Variants in KANTR observed in about 807,000 individuals in gnomAD.
KANTR encodes the protein KANTR integral membrane protein.
chrX:53,143,415 C>T (rs1933531238), downstream of KANTR: 1 of 641,157 alleles, frequency 1.6e-6, no homozygotes, highest in East Asian at 3.4e-5. Flanking sequence ...GCATGGCCCT[C>T]GTAGATGGGT....
chrX:53,113,095 G>A, intron 2 of KANTR: 1 of 275,495 alleles, frequency 3.6e-6, no homozygotes, highest in Non-Finnish European at 7.2e-6. Flanking sequence ...TTGACCTTTT[G>A]GCGATCTTCT....
chrX:53,143,802 T>C (rs1163711233), downstream of KANTR: 1 of 504,873 alleles, frequency 2.0e-6, no homozygotes, highest in Admixed American at 2.4e-5. Flanking sequence ...GGTGCCGGGG[T>C]CACCTGATGA....
downstream of KANTR, chrX:53,143,474 C>A: frequency 5.1e-6 from 3 of 588,909 alleles, no homozygotes; most frequent in Non-Finnish European, 8.9e-6. Flanking sequence ...GCCAGTGATG[C>A]GCCCAGAGGC....
At chrX:53,103,109 A>G (rs1222274865) in intron 2 of KANTR, among the ~76,000 whole-genome samples, 1 of 105,917 alleles carries the variant, frequency 9.4e-6, no homozygotes, top group African/African-American at 3.5e-5. Context: ...CTCAGCCTCC[A>G]GAGTAGCTGA....
chrX:53,129,235 TTGTG>T (rs57493383), downstream of KANTR, among the ~76,000 whole-genome samples: 59 of 83,353 alleles, frequency 7.1e-4, no homozygotes, highest in Middle Eastern at 0.013. Flanking sequence ...GCCTGGCTAT[TTGTG>T]TGTGTGTGTG....
chrX:53,117,933 T>C (rs782047243), intron 2 of KANTR, among the ~76,000 whole-genome samples: 1 of 111,598 alleles, frequency 9.0e-6, no homozygotes, highest in South Asian at 3.7e-4. Context: ...TGTGGTCTTC[T>C]GAGACTTAAC....
At chrX:53,105,212 T>A (rs781827619) in intron 2 of KANTR, among the ~76,000 whole-genome samples, 1 of 111,830 alleles carries the variant, frequency 8.9e-6, no homozygotes, top group African/African-American at 3.2e-5. Context: ...TCAAACTGTT[T>A]GCAAAAGTGG....
intron 2 of KANTR, among the ~76,000 whole-genome samples, chrX:53,104,459 T>A (rs1016349224): frequency 2.7e-5 from 3 of 109,953 alleles, no homozygotes; most frequent in Non-Finnish European, 5.7e-5. Context: ...ACTCCTGACC[T>A]CAAGTGATCC....
In KANTR at chrX:53,111,012, T is replaced by TTTTA. The variant is rs1328359563; in HGVS notation, c.-805+11420_-805+11423dup. Among the ~76,000 whole-genome samples the TTTTA allele has an allele frequency of 4.6e-5, 5 of 108,991 alleles. No homozygotes were observed. In the Admixed American group the frequency reaches 4.9e-4, roughly 11 times the overall value. The allele number at this position is 108,991 out of a possible 115,157, so 94.6% of individuals were successfully genotyped here. A position where few individuals can be genotyped will look rare whatever the true frequency, so the allele number is the denominator to read the frequency against. On this transcript the variant is annotated intron_variant, in intron 2 of 2. Transcript: ENST00000604062. ...TGATATTACTTCTTTATTTTATAAATTTTATTTATTTATTTATTTTTGAGA... is the reference window on the plus strand; with the variant it reads ...TGATATTACTTCTTTATTTTATAAATTTTATTTATTTATTTATTTATTTTTGAGA...
exon 3 of KANTR, chrX:53,142,544 G>A (rs782385060): frequency 1.2e-5 from 3 of 257,632 alleles, no homozygotes; most frequent in Non-Finnish European, 2.2e-5. Context: ...TCAAACTCCT[G>A]ACCTTGTGAT....
intron 2 of KANTR, among the ~76,000 whole-genome samples, chrX:53,110,859 A>C (rs1475281070): frequency 9.3e-6 from 1 of 107,260 alleles, no homozygotes; most frequent in African/African-American, 3.4e-5. Context: ...GGAGGCGGAG[A>C]TTGCAATGAG....
chrX:53,144,399 C>CA (rs1330477871), downstream of KANTR, among the ~76,000 whole-genome samples: 1 of 111,439 alleles, frequency 9.0e-6, no homozygotes, highest in Non-Finnish European at 1.9e-5. Flanking sequence ...GTCTCAAAAA[C>CA]AAAAAATCTG....
chrX:53,100,388 G>A (rs1164772491), intron 2 of KANTR, among the ~76,000 whole-genome samples: 1 of 110,927 alleles, frequency 9.0e-6, no homozygotes, highest in Admixed American at 9.6e-5. Context: ...GCTGAGGCAG[G>A]AGAATCACTT....
downstream of KANTR, among the ~76,000 whole-genome samples, chrX:53,145,777 G>T (rs1221667454): frequency 1.8e-5 from 2 of 111,951 alleles, no homozygotes; most frequent in Non-Finnish European, 3.8e-5. Context: ...ACCTCACACG[G>T]CCGGGTACTT....
At position 53,094,302 on chromosome X, in the gene KANTR, C is replaced by T. The variant is rs782333307; in HGVS notation, c.-942+18C>T. ...GGTGTACGGTGAGAAGCCATAAAGA[C>T]GGGGCGGTGGGGGGAGTGGCAGCGG... On this transcript the variant is annotated intron_variant, in intron 1 of 2. Transcript: ENST00000604062. 3 of 104,389 alleles carry T rather than the reference C, an allele frequency of 2.9e-5. No homozygotes were observed. The highest frequency in any genetic ancestry group is 5.9e-5 in the Non-Finnish European group (3 of 51,179). 8.6% of individuals were successfully genotyped at this position (104,389 alleles called of 1,213,427 possible).
downstream of KANTR, among the ~76,000 whole-genome samples, chrX:53,131,403 A>G (rs782097765): frequency 8.9e-6 from 1 of 112,230 alleles, no homozygotes; most frequent in East Asian, 2.8e-4. Flanking sequence ...AATGTATTAA[A>G]AGGATAATGA....
At chrX:53,101,226 G>T (rs782495865) in intron 2 of KANTR, among the ~76,000 whole-genome samples, 2 of 112,767 alleles carry the variant, frequency 1.8e-5, no homozygotes, top group Admixed American at 1.9e-4. Context: ...ACTGTTCGGC[G>T]CAAGAAGCCT....
intron 1 of KANTR, among the ~76,000 whole-genome samples, chrX:53,099,236 G>A (rs1932869980): frequency 9.0e-6 from 1 of 111,104 alleles, no homozygotes; most frequent in African/African-American, 3.3e-5. Context: ...AGCCAGGCAT[G>A]GTGGCGGACA....
exon 3 of KANTR, chrX:53,123,776 C>G (rs1373096238): frequency 1.8e-5 from 2 of 111,879 alleles, no homozygotes; most frequent in African/African-American, 6.5e-5. Flanking sequence ...AAGAGGCTGT[C>G]CAAGTAATAG....
Sources: gnomAD v4.1 joint callset for allele counts (sites outside exome capture counted in the v4.1 genomes callset) on GRCh38, gnomAD v4.1.1 for gene constraint, MANE v1.5 for transcripts, NCBI Gene and HGNC (gene_info 2026-07-23, HGNC 2026-07-21) for gene names.